UGT1A5: variants seen among roughly 807,000 people sequenced by gnomAD.
UGT1A5 encodes UDP-glucuronosyltransferase 1A5.
UGT1A5 carries 29 observed loss-of-function variants against 40.3 expected under a neutral mutation model. The observed-to-expected ratio is 0.72, with a 90% CI of 0.54 to 0.98. UGT1A5 has a LOEUF of 0.98. Ranked by LOEUF, UGT1A5 falls within the 50% of genes least tolerant of loss-of-function variation. The pLI, the probability that UGT1A5 is intolerant of heterozygous loss-of-function variation, is 0.00. For synonymous variants in UGT1A5, 257 were observed against 262.5 expected (o/e 0.98, Z 0.20); for missense variants, 678 against 677.9 (o/e 1.00, Z 0.00).
At position 233,713,190 on chromosome 2, in the gene UGT1A5, A is replaced by G; in HGVS notation, c.199A>G (p.Met67Val). 1 of 1,614,244 alleles carries G rather than the reference A, an allele frequency of 6.2e-7. No homozygotes were observed. Among genetic ancestry groups the G allele is most frequent in the Non-Finnish European group, 8.5e-7 (1 of 1,180,038 alleles). The change falls in exon 1 of 5, where the codon ATG (methionine) becomes GTG (valine). Residue 67 changes from methionine (M) to valine (V), a missense_variant. Physicochemically the swap from Met to Val is conservative, Grantham distance 21. Transcript: ENST00000373414. ...GGTGGTCCTCACCCTGGAGGTGAAT[A>G]TGTACATCAAAGAAGAGAACTTTTT... is the stretch of plus-strand genomic sequence containing the variant. The part of the protein sequence containing the change: ...QVVVLTLEVN[M>V]YIKEENFFTL...
In UGT1A5 at chr2:233,738,243, A is replaced by C. The variant is rs57963849; in HGVS notation, c.867+24385A>C. Among the ~76,000 whole-genome samples, 1,478 of 152,302 alleles carry C rather than the reference A, an allele frequency of 9.7e-3. 33 individuals are homozygous for C. The highest frequency in any genetic ancestry group is 0.033 in the African/African-American group (1,387 of 41,562). On this transcript the variant is annotated intron_variant, in intron 1 of 4. Coordinates refer to ENST00000373414, the MANE Select transcript of UGT1A5 (RefSeq NM_019078.2). Reference sequence around the variant, plus strand: ...AGTTTCCTGAGGCCCCTCCAGCCACATGGAACTGGAGTCAATTAAAGCTCT... The same window carrying C: ...AGTTTCCTGAGGCCCCTCCAGCCACCTGGAACTGGAGTCAATTAAAGCTCT...
chr2:233,726,010 C>A (rs575189558), intron 1 of UGT1A5, among the ~76,000 whole-genome samples: 58 of 152,004 alleles, frequency 3.8e-4, no homozygotes, highest in African/African-American at 1.2e-3. Context: ...TACAAAAAAT[C>A]AAAAAATTAT....
chr2:233,766,405 C>T (rs545959555), intron 1 of UGT1A5, among the ~76,000 whole-genome samples: 1 of 152,316 alleles, frequency 6.6e-6, no homozygotes, highest in East Asian at 1.9e-4. Flanking sequence ...CGTCCCTCCG[C>T]TGATGTGCTC....
chr2:233,739,031 G>A (rs1340117619), intron 1 of UGT1A5: 1 of 152,236 alleles, frequency 6.6e-6, no homozygotes, highest in East Asian at 1.9e-4. Flanking sequence ...GGCTAAAAGG[G>A]GCCAAGGTAG....
At chr2:233,752,348 A>G (rs1694949264) in intron 1 of UGT1A5, 1 of 152,154 alleles carries the variant, frequency 6.6e-6, no homozygotes, top group South Asian at 2.1e-4. Context: ...CATGGAGGAA[A>G]TTCATTTTAG....
At chr2:233,735,712 C>CA (rs2078686822) in intron 1 of UGT1A5, among the ~76,000 whole-genome samples, 1 of 152,140 alleles carries the variant, frequency 6.6e-6, no homozygotes, top group Non-Finnish European at 1.5e-5. Flanking sequence ...CTGGTGGTGA[C>CA]AAAATCTCTC....
chr2:233,747,873 T>C, intron 1 of UGT1A5: 1 of 1,613,590 alleles, frequency 6.2e-7, no homozygotes, highest in Non-Finnish European at 8.5e-7. Context: ...TCTGGCCCTG[T>C]CCTACCTTTG....
chr2:233,743,981 G>A, intron 1 of UGT1A5: 4 of 1,297,888 alleles, frequency 3.1e-6, no homozygotes, highest in Non-Finnish European at 3.0e-6. Context: ...CAGCACCCAG[G>A]CGCAGGCCCG....
chr2:233,733,236 C>T (rs982888781), intron 1 of UGT1A5, among the ~76,000 whole-genome samples: 9 of 152,278 alleles, frequency 5.9e-5, no homozygotes, highest in African/African-American at 2.2e-4. Context: ...TCTAAATATA[C>T]AATCATGTCA....
intron 1 of UGT1A5, chr2:233,753,774 T>C (rs1695305556): frequency 6.6e-6 from 1 of 152,238 alleles, no homozygotes; most frequent in Admixed American, 6.5e-5. Flanking sequence ...TTGGAAACGC[T>C]TTTCTTTACA....
chr2:233,766,884 A>G, intron 1 of UGT1A5, 150 bp from the exon 2 acceptor site: 2 of 1,457,402 alleles, frequency 1.4e-6, no homozygotes, highest in Non-Finnish European at 1.8e-6. Context: ...ATGCTGTAAA[A>G]CTTACATATT....
Position 233,761,136 on chromosome 2 carries a change from A to G in UGT1A5, c.868-5898A>G, listed in dbSNP as rs142418984. On this transcript the variant is annotated intron_variant, in intron 1 of 4. Coordinates refer to ENST00000373414, the MANE Select transcript of UGT1A5 (RefSeq NM_019078.2). ...TTGGTGGAATCAACTGCCTTCACCA[A>G]AATCCACTATCCCAGGTGTGTATTG... 13 of 1,614,222 alleles carry G rather than the reference A, an allele frequency of 8.1e-6. No individual in the cohort carries two copies. The highest frequency in any genetic ancestry group is 1.1e-5 in the Non-Finnish European group (13 of 1,180,048).
intron 1 of UGT1A5, among the ~76,000 whole-genome samples, chr2:233,756,524 T>C (rs1159004453): frequency 6.6e-6 from 1 of 152,188 alleles, no homozygotes; most frequent in Non-Finnish European, 1.5e-5. Flanking sequence ...GTGCATGTTA[T>C]TCACTTTTCT....
chr2:233,714,873 C>A (rs1233346677), intron 1 of UGT1A5, among the ~76,000 whole-genome samples: 1 of 147,466 alleles, frequency 6.8e-6, no homozygotes, highest in African/African-American at 2.5e-5. Flanking sequence ...AAAATTCTAT[C>A]TTTTAAATTT....
At chr2:233,744,111 T>C in intron 1 of UGT1A5, 1 of 390,020 alleles carries the variant, frequency 2.6e-6, no homozygotes, top group Non-Finnish European at 4.7e-6. Context: ...CTGGCCCTGC[T>C]CTCTGTGAGG....
At chr2:233,725,255 A>AGAG in intron 1 of UGT1A5, among the ~76,000 whole-genome samples, 1 of 64,006 alleles carries the variant, frequency 1.6e-5, no homozygotes, top group African/African-American at 1.3e-4. Context: ...CAGAGGAGGC[A>AGAG]GAGGCAGAGG....
At chr2:233,748,253 G>T (rs1389891866) in intron 1 of UGT1A5, among the ~76,000 whole-genome samples, 3 of 151,736 alleles carry the variant, frequency 2.0e-5, no homozygotes, top group Non-Finnish European at 2.9e-5. Flanking sequence ...CGTATTTCAG[G>T]TTTTAAATGG....
rs1386510659 is a variant in UGT1A5, at chr2:233,729,572, T to C, written c.867+15714T>C. The C allele has an allele frequency of 3.1e-6, 5 of 1,613,976 alleles. No homozygotes were observed. The Admixed American group carries it at 6.7e-5, about 22-fold the overall frequency. On this transcript the variant is annotated intron_variant, in intron 1 of 4. Transcript: ENST00000373414. ...CTGAATGCTACTTCCTTTGATGTGG[T>C]TTTAACAGACCCCGTTAACCTCTGC...
At chr2:233,719,243 G>T in intron 1 of UGT1A5, 1 of 1,614,206 alleles carries the variant, frequency 6.2e-7, no homozygotes, top group South Asian at 1.1e-5. Context: ...TCAGGCACCT[G>T]AATGCTACTT....
Sources: gnomAD v4.1 joint callset for allele counts (sites outside exome capture counted in the v4.1 genomes callset) on GRCh38, gnomAD v4.1.1 for gene constraint, MANE v1.5 for transcripts, NCBI Gene and HGNC (gene_info 2026-07-23, HGNC 2026-07-21) for gene names.